The following CASR variants were observed in gnomAD, a reference collection of about 807,000 sequenced individuals.
CASR encodes extracellular calcium-sensing receptor.
Under a neutral mutation model 69.1 loss-of-function variants are expected in CASR, and 23 were observed. That is an observed-to-expected ratio of 0.33 (90% CI 0.24 to 0.47). The LOEUF (loss-of-function observed/expected upper bound fraction) is 0.47, where lower values mean the gene tolerates loss of function less well. Ranked by LOEUF, CASR falls within the 20% of genes least tolerant of loss-of-function variation. CASR has a pLI of 1.00. For missense variants in CASR, 924 were observed against 1,356.1 expected, an observed-to-expected ratio of 0.68 and a Z score of 5.00; for synonymous variants, 541 against 544.7, an observed-to-expected ratio of 0.99 and a Z score of 0.10.
intron 1 of CASR, among the ~76,000 whole-genome samples, chr3:122,194,282 A>G (rs1193304142): frequency 6.6e-6 from 1 of 151,968 alleles, no homozygotes; most frequent in Admixed American, 6.6e-5. Context: ...CTTTTATCAT[A>G]TATGCATTTG....
At chr3:122,253,810 T>G (rs939865888) in intron 1 of CASR, 138 bp from the exon 2 acceptor site, 2 of 254,656 alleles carry the variant, frequency 7.9e-6, no homozygotes, top group African/African-American at 4.5e-5. Flanking sequence ...TATAAAAATG[T>G]GACTCCAAGC....
rs542447428 is a variant in CASR at position 122,229,037 on chromosome 3, CAACAGT to C, written c.-242-24910_-242-24905del. 5.3e-5 allele frequency among the ~76,000 whole-genome samples: 8 copies of C among 152,298 alleles called. No individual in the cohort carries two copies. The South Asian group carries it at 1.5e-3, about 28-fold the overall frequency. On this transcript the variant is annotated intron_variant, in intron 1 of 6. Coordinates refer to ENST00000639785, the MANE Select transcript of CASR (RefSeq NM_000388.4). Reference sequence around the variant, plus strand: ...TCTGATGCTCAGATTCTTAGGGTTACAACAGTTGATTTACATAGCCTTGCCTATGTG... The same window carrying C: ...TCTGATGCTCAGATTCTTAGGGTTACTGATTTACATAGCCTTGCCTATGTG...
chr3:122,213,177 CT>C (rs1261287765), intron 1 of CASR, among the ~76,000 whole-genome samples: 1 of 152,192 alleles, frequency 6.6e-6, no homozygotes, highest in Non-Finnish European at 1.5e-5. Flanking sequence ...TTTTTGAATG[CT>C]TTTACACCAT....
At chr3:122,263,619 T>C (rs2074653896) in intron 4 of CASR, among the ~76,000 whole-genome samples, 1 of 152,214 alleles carries the variant, frequency 6.6e-6, no homozygotes, top group African/African-American at 2.4e-5. Flanking sequence ...TCAGTCACTG[T>C]AGAGATTCTC....
intron 1 of CASR, among the ~76,000 whole-genome samples, chr3:122,217,080 G>A (rs1033558624): frequency 6.6e-6 from 1 of 151,258 alleles, no homozygotes; most frequent in African/African-American, 2.4e-5. Flanking sequence ...TCTAGAACTT[G>A]TTTTGAGTGC....
In CASR at chr3:122,284,640, C is replaced by G. The variant is rs749125441; in HGVS notation, c.2686C>G (p.Arg896Gly). The change falls in exon 7 of 7, where the codon CGC (arginine) becomes GGC (glycine). Residue 896 changes from arginine (R) to glycine (G), a missense_variant. Transcript: ENST00000639785. ...CACGCTGCGCCGCAGCAACGTCTCC[C>G]GCAAGCGGTCCAGCAGCCTTGGAGG... ...RATLRRSNVS[R>G]KRSSSLGGST... 1 of 1,613,884 alleles carries G rather than the reference C, an allele frequency of 6.2e-7. No individual in the cohort carries two copies. The highest frequency in any genetic ancestry group is 1.3e-5 in the African/African-American group (1 of 74,956).
At chr3:122,235,636 A>T (rs940577589) in intron 1 of CASR, among the ~76,000 whole-genome samples, 5 of 152,146 alleles carry the variant, frequency 3.3e-5, no homozygotes, top group African/African-American at 1.2e-4. Context: ...TCTCTACAAA[A>T]TTTTTTAAAA....
At chr3:122,187,128 C>A (rs1197306335) in intron 1 of CASR, among the ~76,000 whole-genome samples, 1 of 152,026 alleles carries the variant, frequency 6.6e-6, no homozygotes, top group Non-Finnish European at 1.5e-5. Context: ...ATATATATAA[C>A]CCTGATACCA....
intron 2 of CASR, among the ~76,000 whole-genome samples, chr3:122,255,922 G>GT (rs2074550330): frequency 1.3e-5 from 2 of 151,970 alleles, no homozygotes; most frequent in African/African-American, 4.8e-5. Context: ...CTGGTGAGTT[G>GT]TTTTTTCCTC....
rs747205055 is a variant in CASR, at chr3:122,284,646, C to A, written c.2692C>A (p.Arg898=). The A allele has an allele frequency of 1.2e-6, 2 of 1,613,834 alleles. No individual in the cohort carries two copies. The highest frequency in any genetic ancestry group is 1.7e-6 in the Non-Finnish European group (2 of 1,179,910). The change falls in exon 7 of 7, where the codon CGG becomes AGG. Residue 898 remains arginine, a synonymous_variant. Transcript: ENST00000639785. ...TLRRSNVSRK[R]SSSLGGSTGS... is the part of the protein sequence containing the mutation. The stretch of plus-strand genomic sequence containing the variant: ...GCGCCGCAGCAACGTCTCCCGCAAG[C>A]GGTCCAGCAGCCTTGGAGGCTCCAC...
intron 1 of CASR, among the ~76,000 whole-genome samples, chr3:122,244,244 T>C (rs1188488696): frequency 6.6e-6 from 1 of 152,168 alleles, no homozygotes; most frequent in Non-Finnish European, 1.5e-5. Flanking sequence ...TTTACCATGA[T>C]GTAACTATTA....
At chr3:122,279,105 C>T (rs2074856546) in intron 5 of CASR, among the ~76,000 whole-genome samples, 2 of 152,164 alleles carry the variant, frequency 1.3e-5, no homozygotes, top group African/African-American at 4.8e-5. Flanking sequence ...TCTTCTTCAT[C>T]CCTTCCTCTA....
intron 1 of CASR, among the ~76,000 whole-genome samples, chr3:122,196,596 G>A (rs1414866558): frequency 6.6e-6 from 1 of 151,940 alleles, no homozygotes; most frequent in Non-Finnish European, 1.5e-5. Flanking sequence ...GGAGTGCGGT[G>A]GTGAAATCAC....
At chr3:122,217,875 T>C (rs1326846438) in intron 1 of CASR, among the ~76,000 whole-genome samples, 1 of 152,114 alleles carries the variant, frequency 6.6e-6, no homozygotes, top group Admixed American at 6.6e-5. Flanking sequence ...GACTAGAATT[T>C]CTAGGCTCTA....
At chr3:122,256,946 G>A (rs777587689) in intron 2 of CASR, 135 bp from the exon 3 acceptor site, 3 of 755,508 alleles carry the variant, frequency 4.0e-6, no homozygotes, top group Non-Finnish European at 6.8e-6. Context: ...TAACAGAGAG[G>A]GCTCTGTACA....
Position 122,286,839 on chromosome 3 carries a change from C to CT in CASR, c.*1649dup, listed in dbSNP as rs1299460273. ...TCTCCTGAAGCCTCAAATTTTACAG[C>CT]TCTTGGTGACTTCTTCCCCTGACCA... On this transcript the variant is annotated 3_prime_UTR_variant, in exon 7 of 7. Transcript: ENST00000639785. The CT allele has an allele frequency of 2.0e-5, 3 of 152,264 alleles. No individual in the cohort carries two copies. 9.4% of individuals were successfully genotyped at this position (152,264 alleles called of 1,614,324 possible).
At chr3:122,229,303 C>T (rs946025741) in intron 1 of CASR, among the ~76,000 whole-genome samples, 3 of 150,756 alleles carry the variant, frequency 2.0e-5, no homozygotes, top group Admixed American at 1.3e-4. Context: ...TACTTTCCTA[C>T]CAGAGTGTGT....
In CASR at chr3:122,244,135, G is replaced by T. The variant is rs2074404730; in HGVS notation, c.-242-9813G>T. Among the ~76,000 whole-genome samples, 3 of 152,188 alleles carry T rather than the reference G, an allele frequency of 2.0e-5. No homozygotes were observed. The South Asian group carries it at 6.2e-4, about 32-fold the overall frequency. On this transcript the variant is annotated intron_variant, in intron 1 of 6. Transcript: ENST00000639785. The stretch of plus-strand genomic sequence containing the variant: ...TTGATAGTATAATGGGATGACTATA[G>T]TCAATAATAATTTAATTATACATTT...
intron 1 of CASR, among the ~76,000 whole-genome samples, chr3:122,237,702 C>A (rs1223948373): frequency 6.6e-6 from 1 of 152,080 alleles, no homozygotes; most frequent in African/African-American, 2.4e-5. Context: ...ATTTTAAATA[C>A]ATTTTGGGAA....
Sources: allele counts gnomAD v4.1 joint callset (sites outside exome capture counted in the v4.1 genomes callset), GRCh38; gene constraint gnomAD v4.1.1; transcripts MANE v1.5; gene names NCBI Gene and HGNC (gene_info 2026-07-23, HGNC 2026-07-21).